Variants in PTPRD observed in about 807,000 individuals in gnomAD.
The protein encoded by PTPRD is receptor-type tyrosine-protein phosphatase delta.
PTPRD carries 34 observed loss-of-function variants against 214.5 expected under a neutral mutation model. The ratio of observed to expected loss-of-function variants is 0.16; its 90% CI spans 0.12 to 0.21. The LOEUF (loss-of-function observed/expected upper bound fraction) is 0.21. Ranked by LOEUF, PTPRD falls within the 10% of genes least tolerant of loss-of-function variation. PTPRD has a pLI of 1.00. For synonymous variants in PTPRD, 1,128 were observed against 845.7 expected (o/e 1.33, Z -5.79); for missense variants, 2,545 against 2,398.7 (o/e 1.06, Z -1.27).
chr9:10,414,753 C>A (rs1379426393), intron 2 of PTPRD, among the ~76,000 whole-genome samples: 1 of 151,908 alleles, frequency 6.6e-6, no homozygotes, highest in Non-Finnish European at 1.5e-5. Flanking sequence ...GAATACTATG[C>A]AGCCATAAAA....
intron 30 of PTPRD, among the ~76,000 whole-genome samples, chr9:8,475,724 C>T (rs1186334541): frequency 6.6e-6 from 1 of 152,170 alleles, no homozygotes; most frequent in Non-Finnish European, 1.5e-5. Context: ...GACAATCTGC[C>T]TTTATTCTCT....
intron 7 of PTPRD, among the ~76,000 whole-genome samples, chr9:9,591,512 C>T (rs936150491): frequency 6.6e-6 from 1 of 151,988 alleles, no homozygotes; most frequent in African/African-American, 2.4e-5. Flanking sequence ...ATCTGGAATC[C>T]TAACCTACAG....
rs1370636236 is a variant in PTPRD, at chr9:9,056,653, G to T, written c.-142-37918C>A. Among the ~76,000 whole-genome samples, 3 of 152,164 alleles carry T rather than the reference G, an allele frequency of 2.0e-5. No individual in the cohort carries two copies. In the East Asian group the frequency reaches 5.8e-4, roughly 29 times the overall value. On this transcript the variant is annotated intron_variant, in intron 10 of 45. Transcript: ENST00000381196. ...TTCACTTTCTTACTGGGCAGTAATG[G>T]TTTTTTGGGATTTTAGGCTGAATAA... is the stretch of plus-strand genomic sequence containing the variant.
At chr9:8,614,556 T>C (rs2095550022) in intron 14 of PTPRD, among the ~76,000 whole-genome samples, 1 of 152,164 alleles carries the variant, frequency 6.6e-6, no homozygotes, top group African/African-American at 2.4e-5. Context: ...ACTGAGTCAA[T>C]TTCATTTTCC....
At chr9:10,419,675 T>A (rs1440577736) in intron 2 of PTPRD, among the ~76,000 whole-genome samples, 5 of 151,922 alleles carry the variant, frequency 3.3e-5, no homozygotes, top group Middle Eastern at 6.8e-3. Flanking sequence ...CTTGGTTGTC[T>A]TCATCTTATG....
chr9:9,633,250 A>T (rs2095649426), intron 7 of PTPRD, among the ~76,000 whole-genome samples: 1 of 151,844 alleles, frequency 6.6e-6, no homozygotes, highest in African/African-American at 2.4e-5. Context: ...AGCCTAGATC[A>T]CACCACTGCA....
At chr9:8,349,638 C>G (rs1228305552) in intron 39 of PTPRD, among the ~76,000 whole-genome samples, 3 of 152,140 alleles carry the variant, frequency 2.0e-5, no homozygotes, top group African/African-American at 7.2e-5. Context: ...AGTTGCCAAG[C>G]ACTGAGACAG....
At chr9:8,727,243 C>T (rs2098594628) in intron 12 of PTPRD, among the ~76,000 whole-genome samples, 3 of 152,150 alleles carry the variant, frequency 2.0e-5, no homozygotes, top group South Asian at 4.1e-4. Context: ...TCCTACTATA[C>T]TCAATAAAAA....
intron 8 of PTPRD, among the ~76,000 whole-genome samples, chr9:9,461,364 G>T (rs2093640330): frequency 6.6e-6 from 1 of 151,948 alleles, no homozygotes; most frequent in Non-Finnish European, 1.5e-5. Flanking sequence ...TTTACATAGA[G>T]AAGTTGTCTG....
At chr9:9,841,786 C>G (rs1432804262) in intron 5 of PTPRD, among the ~76,000 whole-genome samples, 1 of 152,020 alleles carries the variant, frequency 6.6e-6, no homozygotes, top group Non-Finnish European at 1.5e-5. Flanking sequence ...ATGCATAACC[C>G]ATACACACAT....
Position 8,583,946 on chromosome 9 carries a change from G to A in PTPRD, c.352+49371C>T, listed in dbSNP as rs77147331. 7.2e-3 allele frequency among the ~76,000 whole-genome samples: 1,094 copies of A among 152,208 alleles called. 11 individuals carry two copies. Among genetic ancestry groups the A allele is most frequent in the African/African-American group, 0.025 (1,033 of 41,524 alleles). On this transcript the variant is annotated intron_variant, in intron 14 of 45. Transcript: ENST00000381196. ...GCGGGCAGATCACTTGAGCTTAGGC[G>A]TTTGAGATCAGCCTGGGCAACATCA...
intron 3 of PTPRD, among the ~76,000 whole-genome samples, chr9:10,069,809 G>A (rs768438902): frequency 6.6e-6 from 1 of 151,988 alleles, no homozygotes; most frequent in Non-Finnish European, 1.5e-5. Flanking sequence ...AAACTGATAT[G>A]TGTTGACATG....
intron 14 of PTPRD, among the ~76,000 whole-genome samples, chr9:8,564,165 T>C (rs1177503445): frequency 4.0e-5 from 6 of 150,378 alleles, no homozygotes; most frequent in African/African-American, 1.5e-4. Context: ...ACACTATATG[T>C]ACTGTGTTTC....
chr9:8,383,722 C>A (rs1032651304), intron 37 of PTPRD, among the ~76,000 whole-genome samples: 2 of 152,138 alleles, frequency 1.3e-5, no homozygotes, highest in Admixed American at 1.3e-4. Flanking sequence ...GTCAAAATTT[C>A]ACTCCCCATC....
At chr9:8,901,208 G>A (rs1566911922) in intron 11 of PTPRD, among the ~76,000 whole-genome samples, 2 of 152,110 alleles carry the variant, frequency 1.3e-5, no homozygotes, top group Non-Finnish European at 2.9e-5. Context: ...TGTATACCAC[G>A]ACACAAATCT....
At chr9:8,786,133 T>G (rs1051945030) in intron 11 of PTPRD, among the ~76,000 whole-genome samples, 1 of 150,628 alleles carries the variant, frequency 6.6e-6, no homozygotes, top group Non-Finnish European at 1.5e-5. Context: ...ATGAACAAGG[T>G]AGGGTGGGAG....
intron 8 of PTPRD, among the ~76,000 whole-genome samples, chr9:9,510,150 G>C (rs1276282369): frequency 6.6e-6 from 1 of 151,658 alleles, no homozygotes; most frequent in African/African-American, 2.4e-5. Context: ...CATATGGGTG[G>C]AGTAGCTTTC....
chr9:9,681,945 T>G (rs1230190444), intron 7 of PTPRD, among the ~76,000 whole-genome samples: 2 of 151,854 alleles, frequency 1.3e-5, no homozygotes, highest in Admixed American at 6.6e-5. Flanking sequence ...TATGTCTATT[T>G]CCAGTTATTA....
At position 8,730,222 on chromosome 9, in the gene PTPRD, C is replaced by G. The variant is rs140631994; in HGVS notation, c.64+3558G>C. ...ACTGAGCCGAGATCGCGCCACTGCA[C>G]TCCAGCCTAGGCGACTGAGCGAGAC... On this transcript the variant is annotated intron_variant, in intron 12 of 45. Coordinates refer to ENST00000381196, the MANE Select transcript of PTPRD (RefSeq NM_002839.4). 8.5e-3 allele frequency among the ~76,000 whole-genome samples: 1,300 copies of G among 152,196 alleles called. 12 individuals are homozygous for G. The highest frequency in any genetic ancestry group is 0.015 in the Non-Finnish European group (1,046 of 68,024).
Sources: gnomAD v4.1 joint callset for allele counts (sites outside exome capture counted in the v4.1 genomes callset) on GRCh38, gnomAD v4.1.1 for gene constraint, MANE v1.5 for transcripts, NCBI Gene and HGNC (gene_info 2026-07-23, HGNC 2026-07-21) for gene names.